SLC35F4: variants seen among roughly 807,000 people sequenced by gnomAD.
SLC35F4 encodes the protein chromosome 14 open reading frame 36.
Under a neutral mutation model 44.2 loss-of-function variants are expected in SLC35F4, and 24 were observed. The observed-to-expected ratio is 0.54, with a 90% CI of 0.39 to 0.76. The LOEUF (loss-of-function observed/expected upper bound fraction) is 0.76, where lower values mean the gene tolerates loss of function less well. Ranked by LOEUF, SLC35F4 falls within the 30% of genes least tolerant of loss-of-function variation. SLC35F4 has a pLI of 0.00. For synonymous variants in SLC35F4, 238 were observed against 223.6 expected (o/e 1.06, Z -0.57); for missense variants, 562 against 586.1 (o/e 0.96, Z 0.42).
At chr14:57,887,818 T>C (rs1287885429) in intron 1 of SLC35F4, among the ~76,000 whole-genome samples, 2 of 152,186 alleles carry the variant, frequency 1.3e-5, no homozygotes, top group African/African-American at 4.8e-5. Context: ...TACAAAGTCA[T>C]GCCTAACTGT....
intron 1 of SLC35F4, among the ~76,000 whole-genome samples, chr14:57,936,914 C>T (rs950966297): frequency 6.6e-6 from 1 of 152,040 alleles, no homozygotes; most frequent in South Asian, 2.1e-4. Context: ...AATGATCAAG[C>T]CAGCTTATCC....
intron 1 of SLC35F4, among the ~76,000 whole-genome samples, chr14:57,789,842 T>C (rs2140796206): frequency 6.6e-6 from 1 of 152,318 alleles, no homozygotes; most frequent in Admixed American, 6.5e-5. Context: ...TGGTTCAACA[T>C]ACACACATCA....
At chr14:57,758,136 A>G (rs2077040664) in intron 1 of SLC35F4, among the ~76,000 whole-genome samples, 1 of 151,700 alleles carries the variant, frequency 6.6e-6, no homozygotes, top group Admixed American at 6.6e-5. Flanking sequence ...TTTTCTCTGT[A>G]AATAATATGT....
intron 1 of SLC35F4, among the ~76,000 whole-genome samples, chr14:57,934,289 T>C (rs1453799827): frequency 2.0e-5 from 3 of 150,460 alleles, no homozygotes; most frequent in South Asian, 2.2e-4. Flanking sequence ...ATGATGAGAA[T>C]AGTGGAGAGT....
chr14:57,785,226 A>G (rs2077725755), intron 1 of SLC35F4, among the ~76,000 whole-genome samples: 1 of 152,178 alleles, frequency 6.6e-6, no homozygotes, highest in African/African-American at 2.4e-5. Context: ...TACATGAAAT[A>G]TCTCTGTCAT....
At position 57,593,994 on chromosome 14, in the gene SLC35F4, T is replaced by A; in HGVS notation, c.234A>T (p.Gln78His). 2 of 1,613,896 alleles carry A rather than the reference T, an allele frequency of 1.2e-6. No homozygotes were observed. The highest frequency in any genetic ancestry group is 1.7e-6 in the Non-Finnish European group (2 of 1,179,854). ...EDSSAPILELQNQGSSGVCGH... is the reference protein window; with the variant it reads ...EDSSAPILELHNQGSSGVCGH... ...CACAAACTCCTGAGGATCCTTGGTT[T>A]TGAAGTTCAAGAATAGGAGCAGAGG... Residue 78 changes from glutamine (Q) to histidine (H), a missense_variant, in exon 2 of 8, where the codon CAA becomes CAT. Physicochemically the swap from Gln to His is conservative, Grantham distance 24. Transcript: ENST00000556826.
chr14:57,797,569 TCAAA>T (rs1425543050), intron 1 of SLC35F4, among the ~76,000 whole-genome samples: 1 of 152,066 alleles, frequency 6.6e-6, no homozygotes, highest in Non-Finnish European at 1.5e-5. Context: ...ACCTTCCAGC[TCAAA>T]CAGTCTATGA....
intron 1 of SLC35F4, among the ~76,000 whole-genome samples, chr14:57,742,109 C>A (rs1210482696): frequency 6.6e-6 from 1 of 152,182 alleles, no homozygotes; most frequent in East Asian, 1.9e-4. Context: ...GTACGAGCCA[C>A]TGAAAAAACA....
Position 57,919,133 on chromosome 14 carries a change from G to C in SLC35F4, n.282+62780C>G, listed in dbSNP as rs75403318. On this transcript the variant is annotated intron_variant and non_coding_transcript_variant, in intron 1 of 1. Transcript: ENST00000556568. ...CAGAAGACAGAGGAACCATGAGATG[G>C]AAGGAGCTCAAGAGTCTGAATTACC... Among the ~76,000 whole-genome samples the C allele has an allele frequency of 3.6e-3, 555 of 152,280 alleles. 23 individuals are homozygous for C. The East Asian group carries it at 0.087, about 24-fold the overall frequency.
chr14:57,855,130 CA>C (rs1380231206), intron 1 of SLC35F4, among the ~76,000 whole-genome samples: 1 of 152,104 alleles, frequency 6.6e-6, no homozygotes, highest in Non-Finnish European at 1.5e-5. Flanking sequence ...ACTCAATAAA[CA>C]TTATCTTACA....
rs555010012 is a variant in SLC35F4 at position 57,892,056 on chromosome 14, G to T, written n.282+89857C>A. 1.2e-3 allele frequency among the ~76,000 whole-genome samples: 190 copies of T among 152,192 alleles called. 2 individuals are homozygous for T. The South Asian group carries it at 0.038, about 30-fold the overall frequency. ...AGAGCTTTGAAAAATAAGAATATGG[G>T]AATCATCTTTCAAAAATTCATGTGT... is the stretch of plus-strand genomic sequence containing the variant. On this transcript the variant is annotated intron_variant and non_coding_transcript_variant, in intron 1 of 1. Transcript: ENST00000556568.
chr14:57,950,496 A>G (rs1890115414), intron 1 of SLC35F4, among the ~76,000 whole-genome samples: 1 of 152,000 alleles, frequency 6.6e-6, no homozygotes, highest in Admixed American at 6.6e-5. Flanking sequence ...TGAGTAGCTT[A>G]ATAATCAACC....
chr14:57,654,867 G>A lies in SLC35F4; in HGVS notation c.104-60743C>T, dbSNP rs954015979. On this transcript the variant is annotated intron_variant, in intron 1 of 7. Transcript: ENST00000556826. ...GGGGGACATAATTCAAACCATTATAGGAAGCTGGTAAAGAAGGGGTTGCTT... is the reference window on the plus strand; with the variant it reads ...GGGGGACATAATTCAAACCATTATAAGAAGCTGGTAAAGAAGGGGTTGCTT... 3.3e-5 allele frequency among the ~76,000 whole-genome samples: 5 copies of A among 152,174 alleles called. 1 individual carries two copies. Among genetic ancestry groups the A allele is most frequent in the Admixed American group, 2.6e-4 (4 of 15,274 alleles).
chr14:57,627,119 T>C (rs1435477380), intron 1 of SLC35F4, among the ~76,000 whole-genome samples: 1 of 152,112 alleles, frequency 6.6e-6, no homozygotes, highest in Non-Finnish European at 1.5e-5. Flanking sequence ...CATTTTGCAT[T>C]TAAATGGTGT....
chr14:57,951,863 G>A (rs1485899454), intron 1 of SLC35F4, among the ~76,000 whole-genome samples: 1 of 152,228 alleles, frequency 6.6e-6, no homozygotes, highest in Non-Finnish European at 1.5e-5. Context: ...CACAGCTTCA[G>A]CAGACTTAGA....
At position 57,614,097 on chromosome 14, in the gene SLC35F4, G is replaced by A. The variant is rs1221413641; in HGVS notation, c.104-19973C>T. On this transcript the variant is annotated intron_variant, in intron 1 of 7. Transcript: ENST00000556826. Reference sequence around the variant, plus strand: ...TAAATGCATTTCCCCACATAAACAAGTTATAAACTGTGGTTTGGCTGCAGA... The same window carrying A: ...TAAATGCATTTCCCCACATAAACAAATTATAAACTGTGGTTTGGCTGCAGA... Among the ~76,000 whole-genome samples the A allele has an allele frequency of 2.0e-5, 3 of 152,086 alleles. No individual in the cohort carries two copies. In the East Asian group the frequency reaches 5.8e-4, roughly 29 times the overall value.
intron 1 of SLC35F4, among the ~76,000 whole-genome samples, chr14:57,927,467 G>A (rs4142724): frequency 1.4e-5 from 2 of 140,906 alleles, no homozygotes; most frequent in Non-Finnish European, 3.1e-5. Context: ...GGTGGTTTGA[G>A]TTTTTTTTTT....
At chr14:57,769,073 C>A (rs1021663415) in intron 1 of SLC35F4, among the ~76,000 whole-genome samples, 14 of 152,232 alleles carry the variant, frequency 9.2e-5, no homozygotes, top group South Asian at 2.1e-4. Flanking sequence ...AAAACATCAC[C>A]CTTAACTTCT....
At chr14:57,692,041 C>T (rs966058848) in intron 1 of SLC35F4, among the ~76,000 whole-genome samples, 1 of 152,234 alleles carries the variant, frequency 6.6e-6, no homozygotes, top group African/African-American at 2.4e-5. Flanking sequence ...GGAGGTAAGA[C>T]TGGAAAACTA....
Sources: allele counts gnomAD v4.1 joint callset (sites outside exome capture counted in the v4.1 genomes callset), GRCh38; gene constraint gnomAD v4.1.1; transcripts MANE v1.5; gene names NCBI Gene and HGNC (gene_info 2026-07-23, HGNC 2026-07-21).